Variants in IFNB1 observed in about 807,000 individuals in gnomAD.
IFNB1 encodes interferon beta 1, also known as interferon beta.
For synonymous variants in IFNB1, 99 were observed against 80.4 expected (o/e 1.23, Z -1.24); for missense variants, 267 against 210.5 (o/e 1.27, Z -1.66).
rs1564295274 is a variant in IFNB1, at chr9:21,077,387, G to C, written c.483C>G (p.His161Gln). 8 of 1,613,622 alleles carry C rather than the reference G, an allele frequency of 5.0e-6. No homozygotes were observed. The highest frequency in any genetic ancestry group is 2.7e-5 in the African/African-American group (2 of 74,900). ...LHYLKAKEYS[H>Q]CAWTIVRVEI... ...CCACTCTGACTATGGTCCAGGCACA[G>C]TGACTGTACTCCTTGGCCTTCAGGT... Residue 161 changes from histidine to glutamine, a missense_variant, in exon 1 of 1, where the codon CAC becomes CAG. His to Gln is a conservative substitution (Grantham distance 24). Coordinates refer to ENST00000380232, the MANE Select transcript of IFNB1 (RefSeq NM_002176.4).
rs1048270219 is a variant in IFNB1 at position 21,077,248 on chromosome 9, C to G, written c.*58G>C. Reference sequence around the variant, plus strand: ...CCATCAGTCACTTAAACAGCATCTGCTGGTTGAAGAATGCTTGAAGCAATT... The same window carrying G: ...CCATCAGTCACTTAAACAGCATCTGGTGGTTGAAGAATGCTTGAAGCAATT... On this transcript the variant is annotated 3_prime_UTR_variant, in exon 1 of 1. Coordinates refer to ENST00000380232, the MANE Select transcript of IFNB1 (RefSeq NM_002176.4). 5.2e-5 allele frequency: 60 copies of G among 1,156,878 alleles called. No homozygotes were observed. Among genetic ancestry groups the G allele is most frequent in the Non-Finnish European group, 6.8e-5 (54 of 795,160 alleles). 71.7% of individuals were successfully genotyped at this position (1,156,878 alleles called of 1,614,324 possible).
Position 21,077,868 on chromosome 9 carries a change from ATGTTGACAACACGAACAG to A in IFNB1, c.-17_1del. The stretch of plus-strand genomic sequence containing the variant: ...AATTTGGAGGAGACACTTGTTGGTC[ATGTTGACAACACGAACAG>A]TGTCGCCTACTACCTGTTGTGCCAG... On this transcript the variant is annotated start_lost and start_retained_variant and 5_prime_UTR_variant, in exon 1 of 1. Transcript: ENST00000380232. 6.2e-7 allele frequency: 1 copy of A among 1,610,416 alleles called. No homozygotes were observed. The highest frequency in any genetic ancestry group is 8.5e-7 in the Non-Finnish European group (1 of 1,178,186).
Position 21,077,537 on chromosome 9 carries a change from A to G in IFNB1, c.333T>C (p.Asn111=). The G allele has an allele frequency of 6.2e-7, 1 of 1,613,958 alleles. No individual in the cohort carries two copies. The highest frequency in any genetic ancestry group is 8.5e-7 in the Non-Finnish European group (1 of 1,179,862). The change falls in exon 1 of 1, where the codon AAT becomes AAC. Residue 111 remains asparagine, a synonymous_variant. Transcript: ENST00000380232. ...TCAGATGGTTTATCTGATGATAGAC[A>G]TTAGCCAGGAGGTTCTCAACAATAG... is the stretch of plus-strand genomic sequence containing the variant. ...NETIVENLLA[N]VYHQINHLKT...
chr9:21,077,476 A>T lies in IFNB1; in HGVS notation c.394T>A (p.Phe132Ile). ...VLEEKLEKEDFTRGKLMSSLH... is the reference protein window; with the variant it reads ...VLEEKLEKEDITRGKLMSSLH... ...CTGCTCATGAGTTTTCCCCTGGTGA[A>T]ATCTTCTTTCTCCAGTTTTTCTTCC... The change falls in exon 1 of 1, where the codon TTC becomes ATC. Residue 132 changes from phenylalanine (F) to isoleucine (I), a missense_variant. Phe to Ile is a conservative substitution (Grantham distance 21). Transcript: ENST00000380232. 6.8e-6 allele frequency: 11 copies of T among 1,613,956 alleles called. No homozygotes were observed. Among genetic ancestry groups the T allele is most frequent in the Non-Finnish European group, 9.3e-6 (11 of 1,179,900 alleles).
chr9:21,077,833 A>G lies in IFNB1; in HGVS notation c.37T>C (p.Leu13=), dbSNP rs1375585239. 7 of 1,613,428 alleles carry G rather than the reference A, an allele frequency of 4.3e-6. No homozygotes were observed. The highest frequency in any genetic ancestry group is 5.9e-6 in the Non-Finnish European group (7 of 1,179,734). The part of the protein sequence containing the change: ...NKCLLQIALL[L]CFSTTALSMS... Reference sequence around the variant, plus strand: ...GAAAGAGCTGTAGTGGAGAAGCACAACAGGAGAGCAATTTGGAGGAGACAC... The same window carrying G: ...GAAAGAGCTGTAGTGGAGAAGCACAGCAGGAGAGCAATTTGGAGGAGACAC... Residue 13 remains leucine, a synonymous_variant, in exon 1 of 1, where the codon TTG becomes CTG. Transcript: ENST00000380232.
At position 21,077,909 on chromosome 9, in the gene IFNB1, C is replaced by T. The variant is rs763600638; in HGVS notation, c.-40G>A. On this transcript the variant is annotated 5_prime_UTR_variant, in exon 1 of 1. Coordinates refer to ENST00000380232, the MANE Select transcript of IFNB1 (RefSeq NM_002176.4). Reference sequence around the variant, plus strand: ...CAGTGTCGCCTACTACCTGTTGTGCCAGAGCAAAGGCTTCGAAAGGTTGCA... The same window carrying T: ...CAGTGTCGCCTACTACCTGTTGTGCTAGAGCAAAGGCTTCGAAAGGTTGCA... 6.7e-7 allele frequency: 1 copy of T among 1,501,192 alleles called. No homozygotes were observed. Among genetic ancestry groups the T allele is most frequent in the East Asian group, 2.3e-5 (1 of 43,684 alleles). 93.0% of individuals were successfully genotyped at this position (1,501,192 alleles called of 1,614,324 possible).
Position 21,077,753 on chromosome 9 carries a change from C to G in IFNB1, c.117G>C (p.Gln39His). The G allele has an allele frequency of 6.2e-7, 1 of 1,613,888 alleles. No individual in the cohort carries two copies. Among genetic ancestry groups the G allele is most frequent in the Non-Finnish European group, 8.5e-7 (1 of 1,179,872 alleles). Residue 39 changes from glutamine (Q) to histidine (H), a missense_variant, in exon 1 of 1, where the codon CAG becomes CAC. Gln to His is a conservative substitution (Grantham distance 24). Coordinates refer to ENST00000380232, the MANE Select transcript of IFNB1 (RefSeq NM_002176.4). The part of the protein sequence containing the change: ...FLQRSSNFQC[Q>H]KLLWQLNGRL... ...TCCCATTCAATTGCCACAGGAGCTT[C>G]TGACACTGAAAATTGCTGCTTCTTT...
Position 21,077,642 on chromosome 9 carries a change from G to T in IFNB1, c.228C>A (p.Ala76=), listed in dbSNP as rs2229231. The T allele has an allele frequency of 4.0e-5, 65 of 1,613,792 alleles. No individual in the cohort carries two copies. The highest frequency in any genetic ancestry group is 5.4e-5 in the Non-Finnish European group (64 of 1,179,890). ...GGAGCATCTCATAGATGGTCAATGC[G>T]GCGTCCTCCTTCTGGAACTGCTGCA... ...KQLQQFQKED[A]ALTIYEMLQN... is the part of the protein sequence containing the mutation. The change falls in exon 1 of 1, where the codon GCC becomes GCA. Residue 76 remains alanine (A), a synonymous_variant. Transcript: ENST00000380232.
chr9:21,077,777 T>C lies in IFNB1; in HGVS notation c.93A>G (p.Gln31=). The C allele has an allele frequency of 6.2e-7, 1 of 1,613,816 alleles. No individual in the cohort carries two copies. Among genetic ancestry groups the C allele is most frequent in the South Asian group, 1.1e-5 (1 of 91,070 alleles). The change falls in exon 1 of 1, where the codon CAA becomes CAG. Residue 31 remains glutamine, a synonymous_variant. Coordinates refer to ENST00000380232, the MANE Select transcript of IFNB1 (RefSeq NM_002176.4). ...SMSYNLLGFL[Q]RSSNFQCQKL... ...TCTGACACTGAAAATTGCTGCTTCT[T>C]TGTAGGAATCCAAGCAAGTTGTAGC...
At chr9:21,077,566 C>A in the IFNB1 span, 2 of 1,614,020 alleles carry the variant, frequency 1.2e-6, no homozygotes, top group Non-Finnish European at 1.7e-6. Flanking sequence ...ACAATAGTCT[C>A]ATTCCAGCCA....
Position 21,077,834 on chromosome 9 carries a change from C to A in IFNB1, c.36G>T (p.Leu12=). 1 of 1,613,448 alleles carries A rather than the reference C, an allele frequency of 6.2e-7. No individual in the cohort carries two copies. The change falls in exon 1 of 1, where the codon CTG becomes CTT. Residue 12 remains leucine (L), a synonymous_variant. Transcript: ENST00000380232. ...TNKCLLQIAL[L]LCFSTTALSM... ...AAAGAGCTGTAGTGGAGAAGCACAA[C>A]AGGAGAGCAATTTGGAGGAGACACT...
rs1818746401 is a variant in IFNB1, at chr9:21,077,900, C to G, written c.-31G>C. 1.3e-6 allele frequency: 2 copies of G among 1,554,076 alleles called. No individual in the cohort carries two copies. The highest frequency in any genetic ancestry group is 1.4e-5 in the African/African-American group (1 of 73,648). On this transcript the variant is annotated 5_prime_UTR_variant, in exon 1 of 1. Coordinates refer to ENST00000380232, the MANE Select transcript of IFNB1 (RefSeq NM_002176.4). ...CAACACGAACAGTGTCGCCTACTACCTGTTGTGCCAGAGCAAAGGCTTCGA... is the reference window on the plus strand; with the variant it reads ...CAACACGAACAGTGTCGCCTACTACGTGTTGTGCCAGAGCAAAGGCTTCGA...
chr9:21,077,227 C>G lies in IFNB1; in HGVS notation c.*79G>C, dbSNP rs750748434. The G allele has an allele frequency of 3.6e-5, 31 of 862,482 alleles. No homozygotes were observed. The highest frequency in any genetic ancestry group is 5.4e-5 in the Non-Finnish European group (29 of 535,284). The allele number at this position is 862,482 out of a possible 1,614,324, so 53.4% of individuals were successfully genotyped here. On this transcript the variant is annotated 3_prime_UTR_variant, in exon 1 of 1. Coordinates refer to ENST00000380232, the MANE Select transcript of IFNB1 (RefSeq NM_002176.4). ...CTTTCATATGCAGTACATTAGCCAT[C>G]AGTCACTTAAACAGCATCTGCTGGT...
chr9:21,077,134 C>G lies in IFNB1; in HGVS notation c.*172G>C. The G allele has an allele frequency of 2.5e-6, 1 of 397,134 alleles. No individual in the cohort carries two copies. Among genetic ancestry groups the G allele is most frequent in the Non-Finnish European group, 4.5e-6 (1 of 224,498 alleles). The allele number at this position is 397,134 out of a possible 1,614,324, so 24.6% of individuals were successfully genotyped here. A position where few individuals can be genotyped will look rare whatever the true frequency, so the allele number is the denominator to read the frequency against. ...TTTTGCACCAAAAATAATTTATTTT[C>G]CAAAATAAAATTTAAATAAATAAAA... On this transcript the variant is annotated 3_prime_UTR_variant, in exon 1 of 1. Coordinates refer to ENST00000380232, the MANE Select transcript of IFNB1 (RefSeq NM_002176.4).
Position 21,077,669 on chromosome 9 carries a change from C to G in IFNB1, c.201G>C (p.Gln67His). Reference protein sequence around the residue: ...MNFDIPEEIKQLQQFQKEDAA... With the variant: ...MNFDIPEEIKHLQQFQKEDAA... ...CGTCCTCCTTCTGGAACTGCTGCAG[C>G]TGCTTAATCTCCTCAGGGATGTCAA... The change falls in exon 1 of 1, where the codon CAG becomes CAC. Residue 67 changes from glutamine to histidine, a missense_variant. Gln to His is a conservative substitution (Grantham distance 24). Transcript: ENST00000380232. 1 of 1,613,968 alleles carries G rather than the reference C, an allele frequency of 6.2e-7. No individual in the cohort carries two copies. The highest frequency in any genetic ancestry group is 8.5e-7 in the Non-Finnish European group (1 of 1,179,898).
Position 21,077,363 on chromosome 9 carries a change from C to T in IFNB1, c.507G>A (p.Val169=), listed in dbSNP as rs746888989. The change falls in exon 1 of 1, where the codon GTG becomes GTA. Residue 169 remains valine, a synonymous_variant. Transcript: ENST00000380232. The part of the protein sequence containing the change: ...YSHCAWTIVR[V]EILRNFYFIN... ...TGAAGTAAAAGTTCCTTAGGATTTC[C>T]ACTCTGACTATGGTCCAGGCACAGT... The T allele has an allele frequency of 2.5e-6, 4 of 1,613,646 alleles. No individual in the cohort carries two copies. In the South Asian group the frequency reaches 3.3e-5, roughly 13 times the overall value.
chr9:21,077,376 G>A lies in IFNB1; in HGVS notation c.494C>T (p.Thr165Ile). Residue 165 changes from threonine to isoleucine, a missense_variant, in exon 1 of 1, where the codon ACC becomes ATC. Coordinates refer to ENST00000380232, the MANE Select transcript of IFNB1 (RefSeq NM_002176.4). ...CCTTAGGATTTCCACTCTGACTATG[G>A]TCCAGGCACAGTGACTGTACTCCTT... is the stretch of plus-strand genomic sequence containing the variant. ...KAKEYSHCAWTIVRVEILRNF... is the reference protein window; with the variant it reads ...KAKEYSHCAWIIVRVEILRNF... The A allele has an allele frequency of 1.2e-6, 2 of 1,613,648 alleles. No homozygotes were observed. The highest frequency in any genetic ancestry group is 1.7e-6 in the Non-Finnish European group (2 of 1,179,628).
In IFNB1 at chr9:21,077,923, C is replaced by A; in HGVS notation, c.-54G>T. ...ACCTGTTGTGCCAGAGCAAAGGCTT[C>A]GAAAGGTTGCAGTTAGAATGTCCTT... On this transcript the variant is annotated 5_prime_UTR_variant, in exon 1 of 1. Transcript: ENST00000380232. The A allele has an allele frequency of 7.4e-7, 1 of 1,343,616 alleles. No individual in the cohort carries two copies. The highest frequency in any genetic ancestry group is 1.3e-5 in the South Asian group (1 of 74,676). The allele number at this position is 1,343,616 out of a possible 1,614,324, so 83.2% of individuals were successfully genotyped here.
At position 21,077,743 on chromosome 9, in the gene IFNB1, A is replaced by C. The variant is rs747899694; in HGVS notation, c.127T>G (p.Trp43Gly). 6.2e-7 allele frequency: 1 copy of C among 1,613,796 alleles called. No homozygotes were observed. Among genetic ancestry groups the C allele is most frequent in the African/African-American group, 1.3e-5 (1 of 74,912 alleles). ...TATTCAAGCCTCCCATTCAATTGCC[A>C]CAGGAGCTTCTGACACTGAAAATTG... ...SSNFQCQKLL[W>G]QLNGRLEYCL... The change falls in exon 1 of 1, where the codon TGG (tryptophan) becomes GGG (glycine). Residue 43 changes from tryptophan (W) to glycine (G), a missense_variant. Coordinates refer to ENST00000380232, the MANE Select transcript of IFNB1 (RefSeq NM_002176.4).
Sources: gnomAD v4.1 joint callset for allele counts on GRCh38, gnomAD v4.1.1 for gene constraint, MANE v1.5 for transcripts, NCBI Gene and HGNC (gene_info 2026-07-23, HGNC 2026-07-21) for gene names.